The following PFKFB3 variants were observed in gnomAD, a reference collection of about 807,000 sequenced individuals.
PFKFB3 encodes 6-phosphofructo-2-kinase/fructose-2,6-bisphosphatase 3.
PFKFB3 carries 33 observed loss-of-function variants against 68.0 expected under a neutral mutation model. The observed-to-expected ratio is 0.49, with a 90% CI of 0.37 to 0.65. The LOEUF is 0.65. PFKFB3 is among the 30% of genes least tolerant of loss of function. The pLI is 0.00. For synonymous variants in PFKFB3, 315 were observed against 288.2 expected (o/e 1.09, Z -0.94); for missense variants, 586 against 712.2 (o/e 0.82, Z 2.02).
the PFKFB3 span, among the ~76,000 whole-genome samples, chr10:6,321,359 T>A: frequency 7.0e-6 from 1 of 143,624 alleles, no homozygotes; most frequent in Non-Finnish European, 1.5e-5. Context: ...TCTCAGTTTT[T>A]CTTTGTATCC....
At chr10:6,255,422 C>T (rs1449253948), downstream of PFKFB3, among the ~76,000 whole-genome samples, 2 of 152,232 alleles carry the variant, frequency 1.3e-5, no homozygotes, top group Non-Finnish European at 2.9e-5. Context: ...TCGCAACTGG[C>T]CCAACCTCTG....
At chr10:6,221,962 A>G (rs1245692955) in intron 10 of PFKFB3, among the ~76,000 whole-genome samples, 1 of 152,188 alleles carries the variant, frequency 6.6e-6, no homozygotes, top group African/African-American at 2.4e-5. Flanking sequence ...CCCTAGGGAC[A>G]TAGAACTATA....
At chr10:6,157,432 T>C (rs954748590) in intron 1 of PFKFB3, among the ~76,000 whole-genome samples, 2 of 152,146 alleles carry the variant, frequency 1.3e-5, no homozygotes, top group Middle Eastern at 3.2e-3. Flanking sequence ...TTCACCGTGT[T>C]AGCCAGGATG....
At chr10:6,297,524 A>G in the PFKFB3 span, among the ~76,000 whole-genome samples, 4 of 151,820 alleles carry the variant, frequency 2.6e-5, no homozygotes, top group African/African-American at 7.3e-5. Context: ...TTTTGTAGGC[A>G]TCCTGTGGTC....
the PFKFB3 span, among the ~76,000 whole-genome samples, chr10:6,300,456 C>G: frequency 1.3e-3 from 201 of 152,312 alleles, 1 homozygote; most frequent in African/African-American, 4.7e-3. Flanking sequence ...AAGGCTCCCC[C>G]ATGCCCCCGG....
At chr10:6,210,332 CTT>C (rs1564623112) in intron 1 of PFKFB3, among the ~76,000 whole-genome samples, 1 of 61,968 alleles carries the variant, frequency 1.6e-5, no homozygotes, top group Admixed American at 1.9e-4. Context: ...GCGCCCCTCT[CTT>C]TGTTTTTTTT....
At chr10:6,217,113 A>T (rs768735152) in intron 5 of PFKFB3, 22 bp from the exon 6 acceptor site, 40 of 1,613,348 alleles carry the variant, frequency 2.5e-5, no homozygotes, top group Non-Finnish European at 3.0e-5. Context: ...GTTTTCTAAC[A>T]TCCCCACCTC....
the PFKFB3 span, among the ~76,000 whole-genome samples, chr10:6,321,313 TCCTTGTCATGC>T: frequency 6.6e-6 from 1 of 152,188 alleles, no homozygotes; most frequent in South Asian, 2.1e-4. Context: ...CCTAGTAAGT[TCCTTGTCATGC>T]CCATTCTCTG....
At chr10:6,301,339 C>G in the PFKFB3 span, among the ~76,000 whole-genome samples, 1 of 152,190 alleles carries the variant, frequency 6.6e-6, no homozygotes, top group Non-Finnish European at 1.5e-5. Context: ...TCCCTGGGTG[C>G]TTCAGGGACT....
At chr10:6,309,153 G>T in the PFKFB3 span, among the ~76,000 whole-genome samples, 4 of 152,120 alleles carry the variant, frequency 2.6e-5, no homozygotes, top group Non-Finnish European at 4.4e-5. Context: ...TGTAAAAAAT[G>T]AAAACCTAAA....
chr10:6,212,978 C>T (rs1844328194), intron 1 of PFKFB3, among the ~76,000 whole-genome samples: 1 of 152,142 alleles, frequency 6.6e-6, no homozygotes. Context: ...ACTCTTAGCC[C>T]CACTCTCCCT....
chr10:6,295,049 A>G, the PFKFB3 span, among the ~76,000 whole-genome samples: 2 of 151,662 alleles, frequency 1.3e-5, no homozygotes, highest in Non-Finnish European at 2.9e-5. Flanking sequence ...AGGAAATGAC[A>G]TAGATTGATC....
the PFKFB3 span, among the ~76,000 whole-genome samples, chr10:6,263,605 A>G: frequency 6.6e-6 from 1 of 152,210 alleles, no homozygotes; most frequent in Non-Finnish European, 1.5e-5. Context: ...GCAAGGGGGA[A>G]ATGAAGAGTC....
intron 1 of PFKFB3, among the ~76,000 whole-genome samples, chr10:6,147,409 C>G (rs1395581342): frequency 6.6e-6 from 1 of 152,176 alleles, no homozygotes; most frequent in Non-Finnish European, 1.5e-5. Context: ...ACTGTGGATT[C>G]CCTCCCCAGG....
chr10:6,168,291 A>G (rs545884785), intron 1 of PFKFB3, among the ~76,000 whole-genome samples: 45 of 152,280 alleles, frequency 3.0e-4, no homozygotes, highest in Middle Eastern at 3.4e-3. Flanking sequence ...CCATGCTTGT[A>G]TTCATCAGCT....
At chr10:6,262,032 A>G in the PFKFB3 span, among the ~76,000 whole-genome samples, 1 of 151,322 alleles carries the variant, frequency 6.6e-6, no homozygotes, top group Non-Finnish European at 1.5e-5. Flanking sequence ...AAAAAAAAAC[A>G]CAAAAAACTC....
intron 3 of PFKFB3, 103 bp from the exon 4 acceptor site, chr10:6,216,022 G>C: frequency 9.5e-7 from 1 of 1,052,694 alleles, no homozygotes; most frequent in Non-Finnish European, 1.5e-6. Context: ...GTGTAGAATG[G>C]AACCACCAGT....
the PFKFB3 span, among the ~76,000 whole-genome samples, chr10:6,261,669 G>A: frequency 6.6e-6 from 1 of 151,990 alleles, no homozygotes; most frequent in Non-Finnish European, 1.5e-5. Context: ...GACCAGCCTG[G>A]CCAACATGGT....
downstream of PFKFB3, among the ~76,000 whole-genome samples, chr10:6,239,589 A>G (rs1413782262): frequency 6.6e-6 from 1 of 152,228 alleles, no homozygotes; most frequent in East Asian, 1.9e-4. Context: ...CCAGATGTCC[A>G]TTCTGTAAGG....
Sources: gnomAD v4.1 joint callset for allele counts (sites outside exome capture counted in the v4.1 genomes callset) on GRCh38, gnomAD v4.1.1 for gene constraint, MANE v1.5 for transcripts, NCBI Gene and HGNC (gene_info 2026-07-23, HGNC 2026-07-21) for gene names.